RPAIN: variants seen among roughly 807,000 people sequenced by gnomAD.
The protein encoded by RPAIN is RPA interacting protein.
In RPAIN, 29 loss-of-function variants were observed where a neutral mutation model predicts 30.5. The observed-to-expected ratio is 0.95, with a 90% CI of 0.71 to 1.30. The LOEUF (loss-of-function observed/expected upper bound fraction) is 1.30. RPAIN is among the 50% of genes most tolerant of loss of function. RPAIN has a pLI of 0.00. For synonymous variants in RPAIN, 101 were observed against 93.5 expected (o/e 1.08, Z -0.46); for missense variants, 247 against 264.7 (o/e 0.93, Z 0.46).
intron 5 of RPAIN, 72 bp downstream of exon 5, chr17:5,426,371 G>A: frequency 7.6e-7 from 1 of 1,312,958 alleles, no homozygotes; most frequent in East Asian, 2.3e-5. Context: ...ATCCTCCAGT[G>A]CTGACTTGGA....
Position 5,421,645 on chromosome 17 carries a change from G to A in RPAIN, c.252+179G>A, listed in dbSNP as rs535418868. On this transcript the variant is annotated intron_variant, in intron 2 of 6. Coordinates refer to ENST00000381209, the MANE Select transcript of RPAIN (RefSeq NM_001033002.4). ...AATGTTAGACTTGTCTAGATGAAAT[G>A]GTCTGAAATACCAGACCGTAGACCT... 25 of 508,732 alleles carry A rather than the reference G, an allele frequency of 4.9e-5. No homozygotes were observed. In the South Asian group the frequency reaches 8.1e-4, roughly 16 times the overall value. 31.5% of individuals were successfully genotyped at this position (508,732 alleles called of 1,614,324 possible).
chr17:5,425,185 A>G (rs947901545), intron 3 of RPAIN: 4 of 395,158 alleles, frequency 1.0e-5, no homozygotes, highest in Admixed American at 6.3e-5. Context: ...GAGCTCAACA[A>G]TGACAGTCTT....
chr17:5,425,302 T>TCAG (rs1296783484), intron 3 of RPAIN: 3 of 455,426 alleles, frequency 6.6e-6, no homozygotes, highest in Non-Finnish European at 1.3e-5. Context: ...GTATGTGGAA[T>TCAG]CAGCAGGGTC....
chr17:5,431,763 A>C, intron 6 of RPAIN: 1 of 410,112 alleles, frequency 2.4e-6, no homozygotes, highest in Non-Finnish European at 4.9e-6. Flanking sequence ...GCGGTGCTCA[A>C]GTGGTGGTCC....
At chr17:5,422,991 T>C in intron 3 of RPAIN, 162 bp downstream of exon 3, 2 of 592,672 alleles carry the variant, frequency 3.4e-6, no homozygotes, top group South Asian at 2.3e-5. Flanking sequence ...GTCTAGCTTC[T>C]CAATAATAAG....
chr17:5,429,542 C>T (rs750020475), intron 6 of RPAIN: 6 of 985,274 alleles, frequency 6.1e-6, no homozygotes, highest in Non-Finnish European at 7.2e-6. Flanking sequence ...TTCCAGTGCC[C>T]CTGCTGTTTC....
chr17:5,424,057 G>A (rs1159147306), intron 3 of RPAIN, among the ~76,000 whole-genome samples: 2 of 149,830 alleles, frequency 1.3e-5, no homozygotes, highest in Non-Finnish European at 3.0e-5. Flanking sequence ...ATGTAATCAT[G>A]GCTCACTGTG....
At position 5,421,392 on chromosome 17, in the gene RPAIN, C is replaced by G; in HGVS notation, c.178C>G (p.Leu60Val). Residue 60 changes from leucine to valine, a missense_variant, in exon 2 of 7, where the codon CTA becomes GTA. Transcript: ENST00000381209. ...GCCAGGGAATTCTCAGAACAGCTTT[C>G]TAGTTCAAGAGGTGATGGAAGAAGA... ...SGPGNSQNSFLVQEVMEEEWN... is the reference protein window; with the variant it reads ...SGPGNSQNSFVVQEVMEEEWN... The G allele has an allele frequency of 6.2e-7, 1 of 1,614,048 alleles. No homozygotes were observed. The highest frequency in any genetic ancestry group is 8.5e-7 in the Non-Finnish European group (1 of 1,180,012).
At position 5,428,052 on chromosome 17, in the gene RPAIN, G is replaced by C; in HGVS notation, c.490-19G>C. ...GCTATCAAGTCACTGAGAGGAGGTT[G>C]AACTTTTTTATTTTGTAGTCTTCTG... On this transcript the variant is annotated intron_variant, in intron 5 of 6. Transcript: ENST00000381209. 1 of 1,613,792 alleles carries C rather than the reference G, an allele frequency of 6.2e-7. No individual in the cohort carries two copies. Among genetic ancestry groups the C allele is most frequent in the Non-Finnish European group, 8.5e-7 (1 of 1,179,864 alleles).
chr17:5,430,219 C>A (rs989305264), intron 6 of RPAIN: 1 of 151,760 alleles, frequency 6.6e-6, no homozygotes, highest in Non-Finnish European at 1.5e-5. Flanking sequence ...AATCCCCACA[C>A]TTTGGGAGGC....
chr17:5,423,020 C>T, intron 3 of RPAIN, 191 bp downstream of exon 3: 1 of 536,114 alleles, frequency 1.9e-6, no homozygotes, highest in Non-Finnish European at 3.3e-6. Flanking sequence ...GGGTGCTAGA[C>T]CTTGTGCTAA....
intron 6 of RPAIN, chr17:5,431,387 T>C (rs1283070502): frequency 2.3e-6 from 1 of 441,640 alleles, no homozygotes; most frequent in Non-Finnish European, 4.5e-6. Context: ...CTCGGAAGGC[T>C]GAAGTGGGAG....
In RPAIN at chr17:5,421,333, T is replaced by A. The variant is rs777503984; in HGVS notation, c.119T>A (p.Leu40His). ...AGAATGAGAAACAGCCGGGACAGGC[T>A]CCTAAACAGGTACCGCCAGGCTGGA... ...LERMRNSRDR[L>H]LNRYRQAGSS... Residue 40 changes from leucine to histidine, a missense_variant, in exon 2 of 7, where the codon CTC becomes CAC. Physicochemically the swap from Leu to His is moderately conservative, Grantham distance 99 (BLOSUM62 -3). Transcript: ENST00000381209. 6.2e-7 allele frequency: 1 copy of A among 1,614,010 alleles called. No homozygotes were observed. The highest frequency in any genetic ancestry group is 8.5e-7 in the Non-Finnish European group (1 of 1,180,000).
intron 3 of RPAIN, chr17:5,425,411 CT>C (rs1433661986): frequency 2.2e-6 from 1 of 445,356 alleles, no homozygotes; most frequent in African/African-American, 2.0e-5. Flanking sequence ...TCTCGGATCA[CT>C]GCAACCTCCG....
At chr17:5,430,031 G>C (rs564750826) in intron 6 of RPAIN, 1 of 152,380 alleles carries the variant, frequency 6.6e-6, no homozygotes, top group East Asian at 1.9e-4. Flanking sequence ...AGCTGGACAT[G>C]GTGGTGGGTG....
At chr17:5,431,307 T>G (rs766021773) in intron 6 of RPAIN, 3 of 374,866 alleles carry the variant, frequency 8.0e-6, no homozygotes, top group Non-Finnish European at 1.6e-5. Context: ...GGCAACATGG[T>G]GAAACCCTGT....
rs1444469517 is a variant in RPAIN, at chr17:5,431,794, C to T, written c.631-748C>T. ...GGTCCTGGGATGGAATATGCCAAAC[C>T]GCCTATTAGCAGAGTTACAGTGTCT... On this transcript the variant is annotated intron_variant, in intron 6 of 6. Coordinates refer to ENST00000381209, the MANE Select transcript of RPAIN (RefSeq NM_001033002.4). 7 of 372,944 alleles carry T rather than the reference C, an allele frequency of 1.9e-5. No homozygotes were observed. In the East Asian group the frequency reaches 3.7e-4, roughly 20 times the overall value. The allele number at this position is 372,944 out of a possible 1,614,324, so 23.1% of individuals were successfully genotyped here. A position where few individuals can be genotyped will look rare whatever the true frequency, so the allele number is the denominator to read the frequency against.
chr17:5,420,251 AAC>A lies in RPAIN; in HGVS notation c.42_43del (p.Lys14AsnfsTer99). 1 of 1,613,642 alleles carries A rather than the reference AAC, an allele frequency of 6.2e-7. No homozygotes were observed. The highest frequency in any genetic ancestry group is 8.5e-7 in the Non-Finnish European group (1 of 1,179,946). On this transcript the variant is annotated frameshift_variant, in exon 1 of 7. Coordinates refer to ENST00000381209, the MANE Select transcript of RPAIN (RefSeq NM_001033002.4). LOFTEE classifies it high-confidence loss of function. ...AGGTCTCCGCGCCGCTCCCTGTACA[AAC>A]TGGTGGGCTCGCCGCCTTGGAAAGA...
intron 6 of RPAIN, chr17:5,428,670 C>A: frequency 1.2e-6 from 1 of 864,898 alleles, no homozygotes. Flanking sequence ...GTGTGAGGGC[C>A]AGGAACACAA....
Sources: allele counts gnomAD v4.1 joint callset (sites outside exome capture counted in the v4.1 genomes callset), GRCh38; gene constraint gnomAD v4.1.1; transcripts MANE v1.5; gene names NCBI Gene and HGNC (gene_info 2026-07-23, HGNC 2026-07-21).